PEDS1: variants seen among roughly 807,000 people sequenced by gnomAD.
PEDS1 encodes plasmanylethanolamine desaturase 1.
PEDS1 carries 14 observed loss-of-function variants against 35.2 expected under a neutral mutation model. The observed-to-expected ratio is 0.40, with a 90% CI of 0.26 to 0.62. The LOEUF (loss-of-function observed/expected upper bound fraction) is 0.62. Ranked by LOEUF, PEDS1 falls within the 20% of genes least tolerant of loss-of-function variation. PEDS1 has a pLI of 0.44. For synonymous variants in PEDS1, 152 were observed against 152.0 expected (o/e 1.00, Z 0.00); for missense variants, 260 against 367.8 (o/e 0.71, Z 2.40).
rs2081082319 is a variant in PEDS1, at chr20:50,124,844, G to A, written c.*214C>T. 1.8e-6 allele frequency: 1 copy of A among 543,888 alleles called. No individual in the cohort carries two copies. The highest frequency in any genetic ancestry group is 2.2e-5 in the South Asian group (1 of 46,458). 33.7% of individuals were successfully genotyped at this position (543,888 alleles called of 1,614,324 possible). ...GGCTTGCAGATAGAGCAACTCAGGT[G>A]GCTGAGGAGGGGCCGAGGAAAAAAA... On this transcript the variant is annotated 3_prime_UTR_variant, in exon 6 of 6. Transcript: ENST00000371652.
rs112555509 is a variant in PEDS1, at chr20:50,139,137, C to T, written c.241+4365G>A. ...CCACTTCCAGCCACAGGACGGGCCA[C>T]GACCCGAGCCTGGGACTTCTCTGAC... On this transcript the variant is annotated intron_variant, in intron 2 of 5. Coordinates refer to ENST00000371652, the MANE Select transcript of PEDS1 (RefSeq NM_199129.4). Among the ~76,000 whole-genome samples the T allele has an allele frequency of 2.8e-3, 419 of 152,268 alleles. 2 individuals carry two copies. Among genetic ancestry groups the T allele is most frequent in the African/African-American group, 9.5e-3 (393 of 41,556 alleles).
rs769636306 is a variant in PEDS1 at position 50,141,747 on chromosome 20, G to C, written c.241+1755C>G. On this transcript the variant is annotated intron_variant, in intron 2 of 5. Coordinates refer to ENST00000371652, the MANE Select transcript of PEDS1 (RefSeq NM_199129.4). Reference sequence around the variant, plus strand: ...CAGGTCTCTCCCATCCCTGGGGGCAGGGGACATGCCTGGCTCCTGCCTGGG... The same window carrying C: ...CAGGTCTCTCCCATCCCTGGGGGCACGGGACATGCCTGGCTCCTGCCTGGG... 3.5e-4 allele frequency among the ~76,000 whole-genome samples: 53 copies of C among 152,338 alleles called. 1 individual carries two copies. Among genetic ancestry groups the C allele is most frequent in the South Asian group, 2.1e-4 (1 of 4,834 alleles).
At chr20:50,131,773 G>C (rs1378264621) in intron 2 of PEDS1, among the ~76,000 whole-genome samples, 1 of 151,786 alleles carries the variant, frequency 6.6e-6, no homozygotes, top group African/African-American at 2.4e-5. Flanking sequence ...ACTTGAGCAG[G>C]GTTCCCTCAG....
Position 50,153,680 on chromosome 20 carries a change from C to A in PEDS1, c.-43G>T. Reference sequence around the variant, plus strand: ...GCCCGGTGCGCTCTGCTGGCGGCGGCGGCGGCAGGGCCGCGGAACCGCGGC... The same window carrying A: ...GCCCGGTGCGCTCTGCTGGCGGCGGAGGCGGCAGGGCCGCGGAACCGCGGC... On this transcript the variant is annotated 5_prime_UTR_variant, in exon 1 of 6. Transcript: ENST00000371652. The A allele has an allele frequency of 8.3e-7, 1 of 1,206,406 alleles. No homozygotes were observed. The allele number at this position is 1,206,406 out of a possible 1,614,324, so 74.7% of individuals were successfully genotyped here.
In PEDS1 at chr20:50,119,185, G is replaced by GTT. The variant is rs2081030867; in HGVS notation, c.*5871_*5872dup. 1 of 151,998 alleles carries GTT rather than the reference G, an allele frequency of 6.6e-6. No homozygotes were observed. Among genetic ancestry groups the GTT allele is most frequent in the Non-Finnish European group, 1.5e-5 (1 of 67,992 alleles). 9.4% of individuals were successfully genotyped at this position (151,998 alleles called of 1,614,324 possible). A position where few individuals can be genotyped will look rare whatever the true frequency, so the allele number is the denominator to read the frequency against. ...GTGGTTCAAGCCTGTAATCCCAGCA[G>GTT]TTTGGGAGTCTGAGGCAGGAGGATT... On this transcript the variant is annotated 3_prime_UTR_variant, in exon 6 of 6. Coordinates refer to ENST00000371652, the MANE Select transcript of PEDS1 (RefSeq NM_199129.4).
rs181669795 is a variant in PEDS1, at chr20:50,125,199, G to A, written c.692-20C>T. 1.0e-3 allele frequency: 1,657 copies of A among 1,612,712 alleles called. 14 individuals are homozygous for A. In the African/African-American group the frequency reaches 0.018, roughly 17 times the overall value. On this transcript the variant is annotated intron_variant, in intron 5 of 5. Coordinates refer to ENST00000371652, the MANE Select transcript of PEDS1 (RefSeq NM_199129.4). ...GCCAGCCTGCAGTAGAAATGGCAGC[G>A]GGAGTTTGAATGGGAGAGAGTAGTC...
At position 50,124,962 on chromosome 20, in the gene PEDS1, A is replaced by G. The variant is rs764846288; in HGVS notation, c.*96T>C. On this transcript the variant is annotated 3_prime_UTR_variant, in exon 6 of 6. Transcript: ENST00000371652. ...GCCCAGCCCAGGAGATGTCCTCTCCATCTGGAGGGGCCAGCTCAAAGAGGC... is the reference window on the plus strand; with the variant it reads ...GCCCAGCCCAGGAGATGTCCTCTCCGTCTGGAGGGGCCAGCTCAAAGAGGC... 1.3e-5 allele frequency: 20 copies of G among 1,553,022 alleles called. No homozygotes were observed. The highest frequency in any genetic ancestry group is 1.7e-5 in the Non-Finnish European group (19 of 1,140,338).
intron 2 of PEDS1, among the ~76,000 whole-genome samples, chr20:50,142,482 G>C (rs1171752858): frequency 6.6e-6 from 1 of 152,174 alleles, no homozygotes; most frequent in African/African-American, 2.4e-5. Context: ...CTGCTGCCTG[G>C]GCTGAAGTGC....
At chr20:50,127,856 A>G (rs1378271218) in intron 5 of PEDS1, 119 bp downstream of exon 5, 1 of 1,372,160 alleles carries the variant, frequency 7.3e-7, no homozygotes, top group Admixed American at 2.0e-5. Context: ...GACCTGAGAG[A>G]CTGTTCCCAG....
At chr20:50,145,694 GA>G (rs979572655) in intron 1 of PEDS1, among the ~76,000 whole-genome samples, 17 of 145,210 alleles carry the variant, frequency 1.2e-4, no homozygotes, top group Admixed American at 2.1e-4. Flanking sequence ...TCCATCTCAA[GA>G]AAAAAAAAAA....
At chr20:50,144,265 C>A (rs965720718) in intron 1 of PEDS1, among the ~76,000 whole-genome samples, 3 of 152,242 alleles carry the variant, frequency 2.0e-5, no homozygotes, top group South Asian at 2.1e-4. Flanking sequence ...CCTAAGGGAA[C>A]TTTAATGAGC....
intron 2 of PEDS1, among the ~76,000 whole-genome samples, chr20:50,142,682 G>GCCACCCCCCCCCCCCC (rs2081303480): frequency 2.9e-5 from 1 of 33,932 alleles, no homozygotes; most frequent in Non-Finnish European, 5.6e-5. Flanking sequence ...CAAGTCATCC[G>GCCACCCCCCCCCCCCC]CCCCCCCCCC....
rs1321417453 is a variant in PEDS1, at chr20:50,143,567, T to A, written c.176A>T (p.His59Leu). Residue 59 changes from histidine to leucine, a missense_variant, in exon 2 of 6, where the codon CAC becomes CTC. Physicochemically the swap from His to Leu is moderately conservative, Grantham distance 99. Transcript: ENST00000371652. The part of the protein sequence containing the change: ...SVILCFSLIA[H>L]NLVHLLLLAR... ...CAGCAGCAGGAGATGGACCAGGTTG[T>A]GGGCGATGAGGCTGAAGCACAGGAT... 1.2e-6 allele frequency: 2 copies of A among 1,613,798 alleles called. No homozygotes were observed. The highest frequency in any genetic ancestry group is 3.3e-5 in the Admixed American group (2 of 59,988).
chr20:50,147,450 T>A (rs1229156555), intron 1 of PEDS1, among the ~76,000 whole-genome samples: 2 of 152,250 alleles, frequency 1.3e-5, no homozygotes, highest in African/African-American at 4.8e-5. Context: ...TGCAGTCATC[T>A]GAGTTTTTGA....
At chr20:50,132,675 T>G (rs1266766973) in intron 2 of PEDS1, among the ~76,000 whole-genome samples, 1 of 152,108 alleles carries the variant, frequency 6.6e-6, no homozygotes, top group Non-Finnish European at 1.5e-5. Context: ...AACAAGGAGG[T>G]TGGCTCCACC....
Position 50,129,400 on chromosome 20 carries a change from G to A in PEDS1, c.478+146C>T. ...GCTGGAAACCTCCATCTTCATGTCA[G>A]GTTTCCTGATTTTACATGAAGACAA... On this transcript the variant is annotated intron_variant, in intron 4 of 5. Coordinates refer to ENST00000371652, the MANE Select transcript of PEDS1 (RefSeq NM_199129.4). The surrounding 1 kb of genome is among the most constrained non-coding windows in gnomAD (Gnocchi z 4.2). 1 of 1,297,830 alleles carries A rather than the reference G, an allele frequency of 7.7e-7. No individual in the cohort carries two copies. The highest frequency in any genetic ancestry group is 1.0e-6 in the Non-Finnish European group (1 of 972,426). The allele number at this position is 1,297,830 out of a possible 1,614,324, so 80.4% of individuals were successfully genotyped here.
Position 50,153,544 on chromosome 20 carries a change from G to C in PEDS1, c.94C>G (p.Arg32Gly), listed in dbSNP as rs1469537926. ...GGCGAGTAGAGCGCAGCCAGCTCGC[G>C]GGCCCCGGCGTGCTGCGCGCCCCAG... ...CRWGAQHAGA[R>G]ELAALYSPGK... The change falls in exon 1 of 6, where the codon CGC becomes GGC. Residue 32 changes from arginine (R) to glycine (G), a missense_variant. Coordinates refer to ENST00000371652, the MANE Select transcript of PEDS1 (RefSeq NM_199129.4). 1 of 1,430,930 alleles carries C rather than the reference G, an allele frequency of 7.0e-7. No homozygotes were observed. The highest frequency in any genetic ancestry group is 9.2e-7 in the Non-Finnish European group (1 of 1,085,450). 88.6% of individuals were successfully genotyped at this position (1,430,930 alleles called of 1,614,324 possible).
intron 3 of PEDS1, among the ~76,000 whole-genome samples, chr20:50,130,313 T>C (rs952344609): frequency 6.6e-6 from 1 of 152,086 alleles, no homozygotes; most frequent in Non-Finnish European, 1.5e-5. Flanking sequence ...TCTTGGGAGC[T>C]GGAAGGATGG....
At chr20:50,146,341 C>T (rs1168169311) in intron 1 of PEDS1, among the ~76,000 whole-genome samples, 1 of 152,084 alleles carries the variant, frequency 6.6e-6, no homozygotes, top group East Asian at 1.9e-4. Context: ...TGCCTGTGGC[C>T]TTGTCTACGT....
Sources: gnomAD v4.1 joint callset for allele counts (sites outside exome capture counted in the v4.1 genomes callset) on GRCh38, gnomAD v4.1.1 for gene constraint, Gnocchi (gnomAD v3.1) non-coding constraint, MANE v1.5 for transcripts, NCBI Gene and HGNC (gene_info 2026-07-23, HGNC 2026-07-21) for gene names.